The following CCDC178 variants were observed in gnomAD, a reference collection of about 807,000 sequenced individuals.
CCDC178 encodes the protein coiled-coil domain containing 178.
In CCDC178, 126 loss-of-function variants were observed where a neutral mutation model predicts 117.4. That is an observed-to-expected ratio of 1.07 (90% CI 0.93 to 1.24). CCDC178 has a LOEUF of 1.24. Among genes scored for constraint, CCDC178 ranks in the 50% most tolerant of loss-of-function variants. The probability of loss-of-function intolerance (pLI) is 0.00; values close to 1 mark genes in which losing one functional copy is unlikely to be tolerated. For synonymous variants in CCDC178, 283 were observed against 313.4 expected (o/e 0.90, Z 1.02); for missense variants, 1,030 against 986.9 (o/e 1.04, Z -0.59).
At chr18:33,367,706 A>G (rs1424997814) in intron 6 of CCDC178, among the ~76,000 whole-genome samples, 2 of 151,954 alleles carry the variant, frequency 1.3e-5, no homozygotes, top group African/African-American at 4.8e-5. Flanking sequence ...TCTAATGGAG[A>G]GTCCTCATCA....
chr18:32,951,653 C>T (rs2054486891), intron 22 of CCDC178, among the ~76,000 whole-genome samples: 1 of 152,176 alleles, frequency 6.6e-6, no homozygotes, highest in Non-Finnish European at 1.5e-5. Context: ...CAGCTCCTCC[C>T]AAATCTCATG....
At chr18:33,379,267 A>G (rs1282533457) in intron 5 of CCDC178, among the ~76,000 whole-genome samples, 1 of 149,902 alleles carries the variant, frequency 6.7e-6, no homozygotes, top group Non-Finnish European at 1.5e-5. Context: ...GTGTGATTGT[A>G]GAGAATGGTG....
chr18:33,392,995 C>T (rs571364265), intron 4 of CCDC178, among the ~76,000 whole-genome samples: 111 of 152,166 alleles, frequency 7.3e-4, no homozygotes, highest in African/African-American at 2.3e-3. Context: ...CCATTCTTGC[C>T]CCCATGGTAA....
Position 33,075,735 on chromosome 18 carries a change from G to A in CCDC178, c.2388+17026C>T, listed in dbSNP as rs558571947. Among the ~76,000 whole-genome samples, 34 of 152,172 alleles carry A rather than the reference G, an allele frequency of 2.2e-4. 1 individual carries two copies. The South Asian group carries it at 6.2e-3, about 28-fold the overall frequency. On this transcript the variant is annotated intron_variant, in intron 21 of 22. Transcript: ENST00000383096. ...TGTAATCCTAGCACTTTGGGAGGCC[G>A]AGGCAGGTGGATCACTTGAGGTCAG...
intron 20 of CCDC178, among the ~76,000 whole-genome samples, chr18:33,131,764 A>T (rs1233452372): frequency 2.0e-5 from 3 of 151,908 alleles, no homozygotes; most frequent in African/African-American, 7.2e-5. Context: ...TTAACAGTAA[A>T]TAATAATATA....
intron 20 of CCDC178, among the ~76,000 whole-genome samples, chr18:33,116,265 T>C (rs1472685235): frequency 3.9e-5 from 6 of 152,150 alleles, no homozygotes; most frequent in Non-Finnish European, 8.8e-5. Flanking sequence ...CACTTAATGC[T>C]TTTAAGAACA....
chr18:33,290,535 C>T (rs1426307396), intron 12 of CCDC178, among the ~76,000 whole-genome samples: 1 of 151,888 alleles, frequency 6.6e-6, no homozygotes, highest in Non-Finnish European at 1.5e-5. Context: ...TGATTTCTTC[C>T]CCAATTATTC....
chr18:32,985,921 A>G (rs2055253005), intron 21 of CCDC178, among the ~76,000 whole-genome samples: 1 of 151,996 alleles, frequency 6.6e-6, no homozygotes, highest in Non-Finnish European at 1.5e-5. Flanking sequence ...AGTTCTACCA[A>G]TCATGCAAGG....
chr18:32,976,339 A>G (rs1026613068), intron 21 of CCDC178, among the ~76,000 whole-genome samples: 4 of 152,130 alleles, frequency 2.6e-5, no homozygotes, highest in African/African-American at 9.7e-5. Context: ...TATGTTCACA[A>G]CTACATAAAG....
chr18:33,396,566 T>A (rs1157221414), intron 4 of CCDC178, among the ~76,000 whole-genome samples: 1 of 151,984 alleles, frequency 6.6e-6, no homozygotes, highest in Non-Finnish European at 1.5e-5. Flanking sequence ...AGCCACAAAT[T>A]ACATTGAGCA....
rs1057246346 is a variant in CCDC178 at position 33,335,643 on chromosome 18, TATTAA to T, written c.659-2254_659-2250del. On this transcript the variant is annotated intron_variant, in intron 9 of 22. Transcript: ENST00000383096. ...GAGTCTAATAAACAATTTAACCAAT[TATTAA>T]ATTAATTTTATGTAATATATTTTTC... Among the ~76,000 whole-genome samples the T allele has an allele frequency of 3.9e-5, 6 of 152,214 alleles. No individual in the cohort carries two copies. The East Asian group carries it at 9.6e-4, about 24-fold the overall frequency.
At chr18:33,146,674 G>A (rs904584587) in intron 20 of CCDC178, among the ~76,000 whole-genome samples, 5 of 152,088 alleles carry the variant, frequency 3.3e-5, no homozygotes, top group Non-Finnish European at 5.9e-5. Context: ...ATAAACTATC[G>A]TTAATGAAGG....
intron 20 of CCDC178, among the ~76,000 whole-genome samples, chr18:33,103,706 G>T (rs541036658): frequency 6.6e-6 from 1 of 151,584 alleles, no homozygotes; most frequent in South Asian, 2.1e-4. Flanking sequence ...TCTACCCCAC[G>T]CCTTCTTTAA....
chr18:33,025,567 T>C (rs1488647728), intron 21 of CCDC178, among the ~76,000 whole-genome samples: 1 of 152,044 alleles, frequency 6.6e-6, no homozygotes, highest in Non-Finnish European at 1.5e-5. Flanking sequence ...ATGATCCTGT[T>C]AGAAAATAGA....
chr18:33,425,007 C>T (rs1344516862), intron 2 of CCDC178, among the ~76,000 whole-genome samples: 1 of 152,104 alleles, frequency 6.6e-6, no homozygotes, highest in Non-Finnish European at 1.5e-5. Context: ...GGGCTTAAAA[C>T]CTAGATGACT....
chr18:33,266,960 T>C lies in CCDC178; in HGVS notation c.1365A>G (p.Lys455=), dbSNP rs1278957262. Reference sequence around the variant, plus strand: ...TTATTTTGTTAATATCAATCTCAAGTTTTTTATTGTCTTCCGTCAGTTTTG... The same window carrying C: ...TTATTTTGTTAATATCAATCTCAAGCTTTTTATTGTCTTCCGTCAGTTTTG... The part of the protein sequence containing the change: ...ACTKLTEDNK[K]LEIDINKITV... The change falls in exon 14 of 23, where the codon AAA becomes AAG. Residue 455 remains lysine (K), a synonymous_variant. Transcript: ENST00000383096. 10 of 1,590,162 alleles carry C rather than the reference T, an allele frequency of 6.3e-6. No homozygotes were observed. In the East Asian group the frequency reaches 2.2e-4, roughly 36 times the overall value.
At chr18:33,434,857 G>A (rs1181368871) in intron 2 of CCDC178, among the ~76,000 whole-genome samples, 1 of 151,976 alleles carries the variant, frequency 6.6e-6, no homozygotes, top group East Asian at 1.9e-4. Context: ...AAGGAAGAGG[G>A]AAAAAATATT....
intron 21 of CCDC178, among the ~76,000 whole-genome samples, chr18:33,046,362 C>A (rs1050040814): frequency 1.3e-5 from 2 of 152,108 alleles, no homozygotes; most frequent in African/African-American, 2.4e-5. Flanking sequence ...TCTGATCACC[C>A]ACCTTTTTTC....
At chr18:33,050,674 G>A (rs1478480499) in intron 21 of CCDC178, among the ~76,000 whole-genome samples, 2 of 152,118 alleles carry the variant, frequency 1.3e-5, no homozygotes, top group Non-Finnish European at 2.9e-5. Context: ...GTGGATTAAG[G>A]AGCTAGTGCA....
Sources: gnomAD v4.1 joint callset for allele counts (sites outside exome capture counted in the v4.1 genomes callset) on GRCh38, gnomAD v4.1.1 for gene constraint, MANE v1.5 for transcripts, NCBI Gene and HGNC (gene_info 2026-07-23, HGNC 2026-07-21) for gene names.